The following PROK2 variants were observed in gnomAD, a reference collection of about 807,000 sequenced individuals.
The protein encoded by PROK2 is prokineticin 2.
PROK2 carries 8 observed loss-of-function variants against 14.2 expected under a neutral mutation model. That is an observed-to-expected ratio of 0.56 (90% CI 0.33 to 1.02). The LOEUF (loss-of-function observed/expected upper bound fraction) is 1.02. Ranked by LOEUF, PROK2 falls within the 50% of genes least tolerant of loss-of-function variation. The pLI is 0.03. For missense variants in PROK2, 154 were observed against 160.4 expected (o/e 0.96, Z 0.22); for synonymous variants, 59 against 60.7 (o/e 0.97, Z 0.13).
In PROK2 at chr3:71,785,090, G is replaced by C. The variant is rs1199995515; in HGVS notation, c.-38C>G. 1.7e-5 allele frequency: 20 copies of C among 1,197,422 alleles called. No homozygotes were observed. The highest frequency in any genetic ancestry group is 3.2e-5 in the African/African-American group (2 of 63,204). The allele number at this position is 1,197,422 out of a possible 1,614,324, so 74.2% of individuals were successfully genotyped here. ...ACTGGGCGGCCGCCGGAGGCAGTTG[G>C]GGGCGCGGGGCCCGGGTGCGCTGGG... is the stretch of plus-strand genomic sequence containing the variant. On this transcript the variant is annotated 5_prime_UTR_variant, in exon 1 of 4. Coordinates refer to ENST00000295619, the MANE Select transcript of PROK2 (RefSeq NM_001126128.2).
rs1042166424 is a variant in PROK2 at position 71,784,985 on chromosome 3, C to T, written c.68G>A (p.Arg23His). ...GGTGATCACGGCGGCGTCCCCAGCG[C>T]GGGGCGTGAGCAGCAGCGGCGGCAG... The part of the protein sequence containing the change: ...LLLPPLLLTP[R>H]AGDAAVITGA... Residue 23 changes from arginine (R) to histidine (H), a missense_variant, in exon 1 of 4, where the codon CGC (arginine) becomes CAC (histidine). By Grantham distance (29) the Arg-to-His change is conservative. Coordinates refer to ENST00000295619, the MANE Select transcript of PROK2 (RefSeq NM_001126128.2). 8.0e-7 allele frequency: 1 copy of T among 1,249,858 alleles called. No homozygotes were observed. The highest frequency in any genetic ancestry group is 1.0e-6 in the Non-Finnish European group (1 of 994,896). The allele number at this position is 1,249,858 out of a possible 1,614,324, so 77.4% of individuals were successfully genotyped here.
Position 71,784,946 on chromosome 3 carries a change from G to T in PROK2, c.96+11C>A. ...GCATCAGGGGCAGACAGGTGCGCCC[G>T]GGCCGCTTACCCCGGTGATCACGGC... On this transcript the variant is annotated intron_variant, in intron 1 of 3. Transcript: ENST00000295619. The T allele has an allele frequency of 8.0e-7, 1 of 1,243,712 alleles. No homozygotes were observed. 77.0% of individuals were successfully genotyped at this position (1,243,712 alleles called of 1,614,324 possible).
Position 71,784,940 on chromosome 3 carries a change from G to A in PROK2, c.96+17C>T. 1.6e-6 allele frequency: 2 copies of A among 1,241,282 alleles called. No individual in the cohort carries two copies. Among genetic ancestry groups the A allele is most frequent in the Non-Finnish European group, 2.0e-6 (2 of 990,216 alleles). The allele number at this position is 1,241,282 out of a possible 1,614,324, so 76.9% of individuals were successfully genotyped here. A position where few individuals can be genotyped will look rare whatever the true frequency, so the allele number is the denominator to read the frequency against. ...AGGCGCGCATCAGGGGCAGACAGGT[G>A]CGCCCGGGCCGCTTACCCCGGTGAT... On this transcript the variant is annotated intron_variant, in intron 1 of 3. Coordinates refer to ENST00000295619, the MANE Select transcript of PROK2 (RefSeq NM_001126128.2).
intron 2 of PROK2, among the ~76,000 whole-genome samples, chr3:71,776,164 G>A (rs1384513542): frequency 6.6e-6 from 1 of 152,072 alleles, no homozygotes; most frequent in Non-Finnish European, 1.5e-5. Context: ...AGGACACCAA[G>A]ACTGTATGAA....
chr3:71,774,478 T>A lies in PROK2; in HGVS notation c.252A>T (p.Arg84Ser). ...TCCTTTTGCTTCTCTTCCTCTTTCT[T>A]CTTTCCTGCCTTCCATTTCCAAAAT... The part of the protein sequence containing the change: ...KNNFGNGRQE[R>S]RKRKRSKRKK... The change falls in exon 3 of 4, where the codon AGA (arginine) becomes AGT (serine). Residue 84 changes from arginine to serine, a missense_variant. Arg to Ser is a moderately radical substitution (Grantham distance 110). Transcript: ENST00000295619. The A allele has an allele frequency of 6.4e-7, 1 of 1,551,454 alleles. No homozygotes were observed. Among genetic ancestry groups the A allele is most frequent in the Non-Finnish European group, 8.7e-7 (1 of 1,146,804 alleles).
rs775415770 is a variant in PROK2 at position 71,781,590 on chromosome 3, A to G, written c.99T>C (p.Ala33=). The G allele has an allele frequency of 2.2e-5, 35 of 1,611,070 alleles. No individual in the cohort carries two copies. In the Admixed American group the frequency reaches 3.7e-4, roughly 17 times the overall value. The part of the protein sequence containing the change: ...RAGDAAVITG[A]CDKDSQCGGG... ...CACCACATTGGGAGTCCTTGTCACA[A>G]GCCTGAAATGTAATAAACAAACAGA... The change falls in exon 2 of 4, where the codon GCT becomes GCC. Residue 33 remains alanine, a splice_region_variant and synonymous_variant. Coordinates refer to ENST00000295619, the MANE Select transcript of PROK2 (RefSeq NM_001126128.2).
chr3:71,780,185 TA>T (rs2050150601), intron 2 of PROK2, among the ~76,000 whole-genome samples: 1 of 152,228 alleles, frequency 6.6e-6, no homozygotes, highest in Non-Finnish European at 1.5e-5. Flanking sequence ...AGGGATGGTT[TA>T]AATGTAACAG....
Position 71,772,574 on chromosome 3 carries a change from AT to A in PROK2, c.*149del, listed in dbSNP as rs2050088010. On this transcript the variant is annotated 3_prime_UTR_variant, in exon 4 of 4. Coordinates refer to ENST00000295619, the MANE Select transcript of PROK2 (RefSeq NM_001126128.2). ...TCTCTTTCGATAAAAAAAAAAAAAA[AT>A]CATTTACAAATCAAAGATAAAAATG... 1 of 709,960 alleles carries A rather than the reference AT, an allele frequency of 1.4e-6. No individual in the cohort carries two copies. Among genetic ancestry groups the A allele is most frequent in the Non-Finnish European group, 2.4e-6 (1 of 416,984 alleles). 44.0% of individuals were successfully genotyped at this position (709,960 alleles called of 1,614,324 possible).
At chr3:71,779,942 G>C (rs1439703732) in intron 2 of PROK2, among the ~76,000 whole-genome samples, 5 of 152,286 alleles carry the variant, frequency 3.3e-5, no homozygotes, top group South Asian at 4.1e-4. Flanking sequence ...AGAAAGTTAA[G>C]AGTAAATGTT....
At chr3:71,783,939 T>G (rs1248187729) in intron 1 of PROK2, among the ~76,000 whole-genome samples, 2 of 152,214 alleles carry the variant, frequency 1.3e-5, no homozygotes, top group Non-Finnish European at 2.9e-5. Context: ...TAGAGCTTGA[T>G]TTTTTCAAGA....
At chr3:71,777,294 G>C (rs1004278915) in intron 2 of PROK2, among the ~76,000 whole-genome samples, 1 of 152,112 alleles carries the variant, frequency 6.6e-6, no homozygotes, top group East Asian at 1.9e-4. Flanking sequence ...CATTGTGATA[G>C]GAAAGATGAG....
intron 2 of PROK2, among the ~76,000 whole-genome samples, chr3:71,778,149 A>G (rs2050133655): frequency 6.6e-6 from 1 of 151,790 alleles, no homozygotes; most frequent in African/African-American, 2.4e-5. Context: ...GTGAGCCGAG[A>G]TCACACCACT....
rs1352661644 is a variant in PROK2 at position 71,784,974 on chromosome 3, C to T, written c.79G>A (p.Ala27Thr). The change falls in exon 1 of 4, where the codon GCC becomes ACC. Residue 27 changes from alanine (A) to threonine (T), a missense_variant. Physicochemically the swap from Ala to Thr is moderately conservative, Grantham distance 58 (BLOSUM62 0). Transcript: ENST00000295619. ...CCGCTTACCCCGGTGATCACGGCGG[C>T]GTCCCCAGCGCGGGGCGTGAGCAGC... ...PLLLTPRAGD[A>T]AVITGACDKD... 1 of 1,248,970 alleles carries T rather than the reference C, an allele frequency of 8.0e-7. No homozygotes were observed. The allele number at this position is 1,248,970 out of a possible 1,614,324, so 77.4% of individuals were successfully genotyped here.
intron 3 of PROK2, among the ~76,000 whole-genome samples, chr3:71,774,157 A>G (rs148880143): frequency 1.2e-4 from 18 of 152,270 alleles, no homozygotes; most frequent in African/African-American, 4.3e-4. Flanking sequence ...ATTCTAGTGT[A>G]TTTCTTATTC....
At chr3:71,776,364 ATTTTTTTTTTTTTTT>A (rs58407323) in intron 2 of PROK2, among the ~76,000 whole-genome samples, 1 of 75,436 alleles carries the variant, frequency 1.3e-5, no homozygotes, top group African/African-American at 5.1e-5. Flanking sequence ...TTCGCTTTTC[ATTTTTTTTTTTTTTT>A]TTTTTTTTTT....
chr3:71,776,364 A>ATTTTTTTTTTTTTTTTTTTTTTTTTT (rs58407323), intron 2 of PROK2, among the ~76,000 whole-genome samples: 1 of 75,436 alleles, frequency 1.3e-5, no homozygotes, highest in African/African-American at 5.1e-5. Flanking sequence ...TTCGCTTTTC[A>ATTTTTTTTTTTTTTTTTTTTTTTTTT]TTTTTTTTTT....
At chr3:71,775,406 A>G (rs990216177) in intron 2 of PROK2, among the ~76,000 whole-genome samples, 1 of 152,196 alleles carries the variant, frequency 6.6e-6, no homozygotes, top group African/African-American at 2.4e-5. Flanking sequence ...ACAGAACACC[A>G]GTAAAATTGT....
chr3:71,774,670 T>C (rs117678927), intron 2 of PROK2, among the ~76,000 whole-genome samples, 163 bp from the exon 3 acceptor site: 1 of 152,320 alleles, frequency 6.6e-6, no homozygotes, highest in East Asian at 1.9e-4. Context: ...CAGGTTCTAA[T>C]GACAGCATCT....
intron 2 of PROK2, among the ~76,000 whole-genome samples, chr3:71,778,359 T>C (rs2108194156): frequency 6.6e-6 from 1 of 152,254 alleles, no homozygotes; most frequent in South Asian, 2.1e-4. Flanking sequence ...ATCTTAAAAT[T>C]ATCAAACATA....
Sources: allele counts gnomAD v4.1 joint callset (sites outside exome capture counted in the v4.1 genomes callset), GRCh38; gene constraint gnomAD v4.1.1; transcripts MANE v1.5; gene names NCBI Gene and HGNC (gene_info 2026-07-23, HGNC 2026-07-21).